SSBP2: variants seen among roughly 807,000 people sequenced by gnomAD.
The protein encoded by SSBP2 is single stranded DNA binding protein 2, also known as single-stranded DNA-binding protein 2.
A neutral mutation model predicts 61.8 loss-of-function variants in SSBP2; 17 were observed. The observed-to-expected ratio is 0.28, with a 90% CI of 0.19 to 0.41. SSBP2 has a LOEUF of 0.41. SSBP2 is among the 10% of genes least tolerant of loss of function. SSBP2 has a pLI of 1.00. For synonymous variants in SSBP2, 139 were observed against 141.3 expected (o/e 0.98, Z 0.12); for missense variants, 310 against 458.7 (o/e 0.68, Z 2.96).
At chr5:81,511,718 G>A (rs185707090) in intron 5 of SSBP2, among the ~76,000 whole-genome samples, 54 of 152,236 alleles carry the variant, frequency 3.5e-4, no homozygotes, top group Non-Finnish European at 6.6e-4. Flanking sequence ...ACTTTACTCT[G>A]TTACAACACA....
At chr5:81,587,757 G>GCGCA (rs2091703163) in intron 4 of SSBP2, among the ~76,000 whole-genome samples, 1 of 132,668 alleles carries the variant, frequency 7.5e-6, no homozygotes, top group Admixed American at 7.8e-5. Context: ...GCACACACAC[G>GCGCA]CGCGCGCACA....
intron 5 of SSBP2, among the ~76,000 whole-genome samples, chr5:81,499,418 G>C (rs1045293651): frequency 6.6e-6 from 1 of 152,154 alleles, no homozygotes. Context: ...TTCATTACCA[G>C]GTACTCATTG....
At chr5:81,629,231 C>T (rs375694748) in intron 3 of SSBP2, among the ~76,000 whole-genome samples, 10 of 152,164 alleles carry the variant, frequency 6.6e-5, no homozygotes, top group African/African-American at 1.7e-4. Context: ...GTGATCCACC[C>T]GCCTTGGCCT....
chr5:81,455,827 C>G (rs538967356), intron 10 of SSBP2, among the ~76,000 whole-genome samples: 62 of 152,274 alleles, frequency 4.1e-4, no homozygotes, highest in Admixed American at 3.5e-3. Flanking sequence ...CACATACTGT[C>G]TGGCTAATCT....
At chr5:81,571,368 T>C (rs1773828967) in intron 4 of SSBP2, among the ~76,000 whole-genome samples, 3 of 152,180 alleles carry the variant, frequency 2.0e-5, no homozygotes, top group East Asian at 1.9e-4. Flanking sequence ...CAAAAATGCA[T>C]TTTGCAGCCT....
chr5:81,711,160 T>C (rs1754753151), intron 1 of SSBP2, among the ~76,000 whole-genome samples: 1 of 152,058 alleles, frequency 6.6e-6, no homozygotes, highest in South Asian at 2.1e-4. Context: ...TATTAGTAGT[T>C]TATTCATATC....
At chr5:81,743,628 T>C (rs576567625) in intron 1 of SSBP2, among the ~76,000 whole-genome samples, 1 of 152,352 alleles carries the variant, frequency 6.6e-6, no homozygotes, top group South Asian at 2.1e-4. Context: ...GAGCCAATTA[T>C]GGTAATCCCA....
At chr5:81,603,983 T>C (rs1363887497) in intron 4 of SSBP2, among the ~76,000 whole-genome samples, 3 of 152,050 alleles carry the variant, frequency 2.0e-5, no homozygotes, top group South Asian at 2.1e-4. Context: ...ATTGACCACA[T>C]TGCACTGAGG....
At chr5:81,627,939 C>T (rs1351050236) in intron 3 of SSBP2, among the ~76,000 whole-genome samples, 1 of 151,994 alleles carries the variant, frequency 6.6e-6, no homozygotes, top group Non-Finnish European at 1.5e-5. Flanking sequence ...GTGATATGCT[C>T]CTTTAGTCCC....
At chr5:81,673,974 T>C (rs1032499051) in intron 1 of SSBP2, among the ~76,000 whole-genome samples, 16 of 152,292 alleles carry the variant, frequency 1.1e-4, no homozygotes, top group Non-Finnish European at 8.8e-5. Context: ...AGGAGCTTTA[T>C]ATCCATTGAA....
rs780450651 is a variant in SSBP2 at position 81,467,077 on chromosome 5, CA to C, written c.571-37del. 4 of 1,568,994 alleles carry C rather than the reference CA, an allele frequency of 2.5e-6. No individual in the cohort carries two copies. The highest frequency in any genetic ancestry group is 3.5e-6 in the Non-Finnish European group (4 of 1,151,124). ...AACCAAGGGTCAGACTACCACAAAA[CA>C]AAAAAACAAAACCAAAGAGGAGGGG... On this transcript the variant is annotated intron_variant, in intron 8 of 16. Transcript: ENST00000320672.
intron 6 of SSBP2, among the ~76,000 whole-genome samples, chr5:81,481,093 G>A (rs1262639334): frequency 6.6e-6 from 1 of 152,166 alleles, no homozygotes; most frequent in Non-Finnish European, 1.5e-5. Context: ...GACATCTGTA[G>A]TGACTTCCTT....
At chr5:81,493,372 C>T (rs56414093) in intron 5 of SSBP2, among the ~76,000 whole-genome samples, 8,493 of 151,904 alleles carry the variant, frequency 0.056, 469 homozygotes, top group African/African-American at 0.14. Flanking sequence ...GCAGCCTCAA[C>T]CTCCCAGGCT....
chr5:81,677,306 C>T (rs1050285624), intron 1 of SSBP2, among the ~76,000 whole-genome samples: 6 of 152,124 alleles, frequency 3.9e-5, no homozygotes, highest in Non-Finnish European at 7.3e-5. Context: ...CTATTCTTAG[C>T]TCCATAAAAT....
intron 6 of SSBP2, among the ~76,000 whole-genome samples, chr5:81,476,994 GTGTA>G (rs1046907712): frequency 1.3e-5 from 2 of 151,998 alleles, no homozygotes; most frequent in Non-Finnish European, 2.9e-5. Context: ...AGGTGTGTGT[GTGTA>G]TGTGTGTGTG....
At chr5:81,678,842 A>T (rs1378365025) in intron 1 of SSBP2, among the ~76,000 whole-genome samples, 2 of 152,152 alleles carry the variant, frequency 1.3e-5, no homozygotes, top group Non-Finnish European at 2.9e-5. Flanking sequence ...AAAGTGAAAT[A>T]AAGACCCATA....
chr5:81,486,390 T>A (rs1238642729), intron 6 of SSBP2, among the ~76,000 whole-genome samples: 1 of 152,192 alleles, frequency 6.6e-6, no homozygotes, highest in African/African-American at 2.4e-5. Flanking sequence ...ATCTTATACA[T>A]GGCAGGCATT....
intron 2 of SSBP2, among the ~76,000 whole-genome samples, chr5:81,642,219 AT>A (rs1004309466): frequency 6.6e-6 from 1 of 152,156 alleles, no homozygotes; most frequent in African/African-American, 2.4e-5. Context: ...CTTCAGGCCT[AT>A]TTAGGTTTTT....
intron 1 of SSBP2, among the ~76,000 whole-genome samples, chr5:81,654,415 A>G (rs1750032263): frequency 6.6e-6 from 1 of 152,242 alleles, no homozygotes. Flanking sequence ...AAATAGGAAG[A>G]ATAGTATTTT....
Sources: allele counts gnomAD v4.1 joint callset (sites outside exome capture counted in the v4.1 genomes callset), GRCh38; gene constraint gnomAD v4.1.1; transcripts MANE v1.5; gene names NCBI Gene and HGNC (gene_info 2026-07-23, HGNC 2026-07-21).